The following FGD4 variants were observed in gnomAD, a reference collection of about 807,000 sequenced individuals.
FGD4 encodes the protein FYVE, RhoGEF and PH domain containing 4, also known as FYVE, RhoGEF and PH domain-containing protein 4.
Under a neutral mutation model 102.0 loss-of-function variants are expected in FGD4, and 42 were observed. That is an observed-to-expected ratio of 0.41 (90% confidence interval 0.32 to 0.53). The LOEUF is 0.53. FGD4 is among the 20% of genes least tolerant of loss of function. FGD4 has a pLI of 0.21. For missense variants in FGD4, 902 were observed against 1,078.2 expected, an observed-to-expected ratio of 0.84 and a Z score of 2.29; for synonymous variants, 380 against 375.7, an observed-to-expected ratio of 1.01 and a Z score of -0.13.
At chr12:32,432,618 AG>A (rs1337950548) in intron 1 of FGD4, among the ~76,000 whole-genome samples, 9 of 142,270 alleles carry the variant, frequency 6.3e-5, no homozygotes. Context: ...AAAAAAAAAA[AG>A]GTAGTAATAG....
intron 1 of FGD4, among the ~76,000 whole-genome samples, chr12:32,414,675 A>C (rs910802426): frequency 7.9e-5 from 12 of 152,164 alleles, no homozygotes; most frequent in Admixed American, 2.0e-4. Context: ...GAGAACATGC[A>C]AAGTTTGTCT....
In FGD4 at chr12:32,642,305, G is replaced by A. The variant is rs1951191270; in HGVS notation, c.*1772G>A. The A allele has an allele frequency of 6.6e-6, 1 of 152,120 alleles. No individual in the cohort carries two copies. The highest frequency in any genetic ancestry group is 1.5e-5 in the Non-Finnish European group (1 of 67,982). The allele number at this position is 152,120 out of a possible 1,614,324, so 9.4% of individuals were successfully genotyped here. A position where few individuals can be genotyped will look rare whatever the true frequency, so the allele number is the denominator to read the frequency against. ...TCTTTTTTAATGGCCAGCGGGGTAT[G>A]TGTGTGATGTATACTCAGAGTGGTT... On this transcript the variant is annotated 3_prime_UTR_variant, in exon 17 of 17. Coordinates refer to ENST00000534526, the MANE Select transcript of FGD4 (RefSeq NM_001370298.3).
chr12:32,539,947 G>A (rs1487897639), intron 1 of FGD4, among the ~76,000 whole-genome samples: 1 of 152,090 alleles, frequency 6.6e-6, no homozygotes, highest in Non-Finnish European at 1.5e-5. Flanking sequence ...TGATTTATTA[G>A]AAATATCATG....
intron 1 of FGD4, among the ~76,000 whole-genome samples, chr12:32,510,861 T>C (rs1330766622): frequency 2.0e-5 from 3 of 152,232 alleles, no homozygotes; most frequent in Non-Finnish European, 4.4e-5. Context: ...GTTGGGAATA[T>C]AGAATTTACT....
chr12:32,598,199 G>T (rs745760030), intron 4 of FGD4, among the ~76,000 whole-genome samples: 45 of 152,264 alleles, frequency 3.0e-4, no homozygotes, highest in Non-Finnish European at 5.4e-4. Context: ...GAGAAAGATG[G>T]AAAAATGAAG....
chr12:32,409,108 T>C (rs1432068824), intron 1 of FGD4, among the ~76,000 whole-genome samples: 1 of 152,192 alleles, frequency 6.6e-6, no homozygotes, highest in East Asian at 1.9e-4. Flanking sequence ...CTAGCTCTTG[T>C]TTGGCTTCAA....
intron 1 of FGD4, among the ~76,000 whole-genome samples, chr12:32,480,951 G>T (rs1224591849): frequency 1.3e-5 from 2 of 151,490 alleles, no homozygotes; most frequent in Non-Finnish European, 2.9e-5. Flanking sequence ...CCATAGGTGT[G>T]CATGGCCACA....
intron 4 of FGD4, among the ~76,000 whole-genome samples, chr12:32,592,293 T>C (rs563633501): frequency 6.6e-6 from 1 of 151,792 alleles, no homozygotes; most frequent in Non-Finnish European, 1.5e-5. Flanking sequence ...AGTATCTTAC[T>C]TTTGATATCT....
At chr12:32,557,006 T>G (rs1944173599) in intron 1 of FGD4, 1 of 152,100 alleles carries the variant, frequency 6.6e-6, no homozygotes, top group East Asian at 1.9e-4. Flanking sequence ...GTACCCACCA[T>G]CATGACCAGC....
At chr12:32,512,106 G>A (rs796283737) in intron 1 of FGD4, among the ~76,000 whole-genome samples, 26 of 152,164 alleles carry the variant, frequency 1.7e-4, no homozygotes, top group African/African-American at 6.3e-4. Flanking sequence ...AACAAATTCT[G>A]GTGAGTGATC....
intron 8 of FGD4, 100 bp downstream of exon 8, chr12:32,608,195 C>T (rs1948910240): frequency 1.4e-6 from 2 of 1,464,246 alleles, no homozygotes; most frequent in African/African-American, 2.8e-5. Context: ...CTACTTTAGT[C>T]AAATGTTGCT....
intron 1 of FGD4, among the ~76,000 whole-genome samples, chr12:32,514,691 CAGAA>C (rs753369549): frequency 6.6e-6 from 1 of 151,296 alleles, no homozygotes; most frequent in African/African-American, 2.4e-5. Context: ...TTTTTTTTAA[CAGAA>C]AGGATGTATT....
At chr12:32,522,472 C>T (rs1940647208) in intron 1 of FGD4, among the ~76,000 whole-genome samples, 1 of 152,152 alleles carries the variant, frequency 6.6e-6, no homozygotes, top group African/African-American at 2.4e-5. Flanking sequence ...GATCAGGCAG[C>T]TCATCAAAAA....
intron 1 of FGD4, among the ~76,000 whole-genome samples, chr12:32,452,794 G>C (rs949692519): frequency 1.3e-5 from 2 of 152,148 alleles, no homozygotes; most frequent in African/African-American, 4.8e-5. Context: ...TTCAAGACCA[G>C]CCTGGGCAAC....
At chr12:32,535,764 G>T (rs1942196784) in intron 1 of FGD4, among the ~76,000 whole-genome samples, 1 of 152,170 alleles carries the variant, frequency 6.6e-6, no homozygotes, top group African/African-American at 2.4e-5. Context: ...AGTTAGAGAT[G>T]ATTGGAGAGA....
chr12:32,581,966 A>G lies in FGD4; in HGVS notation c.510A>G (p.Leu170=), dbSNP rs1053428527. The change falls in exon 4 of 17, where the codon TTA becomes TTG. Residue 170 remains leucine, a synonymous_variant. Transcript: ENST00000534526. The part of the protein sequence containing the change: ...LISRFEGGSS[L]SNYSDLKKES... Reference sequence around the variant, plus strand: ...TTTGTATTTTATCTTTTAGCTCATTATCAAATTATAGTGATTTGAAGAAAG... The same window carrying G: ...TTTGTATTTTATCTTTTAGCTCATTGTCAAATTATAGTGATTTGAAGAAAG... The G allele has an allele frequency of 6.2e-7, 1 of 1,614,028 alleles. No individual in the cohort carries two copies. The highest frequency in any genetic ancestry group is 8.5e-7 in the Non-Finnish European group (1 of 1,179,944).
At chr12:32,434,365 A>T (rs567153943) in intron 1 of FGD4, among the ~76,000 whole-genome samples, 4 of 152,346 alleles carry the variant, frequency 2.6e-5, no homozygotes, top group Admixed American at 2.6e-4. Context: ...TTATCCTGTG[A>T]TTGGAGAACG....
chr12:32,481,840 T>C (rs1943775945), intron 1 of FGD4, among the ~76,000 whole-genome samples: 1 of 151,192 alleles, frequency 6.6e-6, no homozygotes, highest in South Asian at 2.1e-4. Flanking sequence ...AAAAAGAACA[T>C]CTAAGTTAAT....
intron 1 of FGD4, among the ~76,000 whole-genome samples, chr12:32,519,712 C>G (rs960565928): frequency 2.0e-5 from 3 of 152,032 alleles, no homozygotes; most frequent in African/African-American, 2.4e-5. Context: ...CCAAGGCAGG[C>G]AGATCACTTG....
Sources: gnomAD v4.1 joint callset for allele counts (sites outside exome capture counted in the v4.1 genomes callset) on GRCh38, gnomAD v4.1.1 for gene constraint, MANE v1.5 for transcripts, NCBI Gene and HGNC (gene_info 2026-07-23, HGNC 2026-07-21) for gene names.